The following DENND4B variants were observed in gnomAD, a reference collection of about 807,000 sequenced individuals.
DENND4B encodes the protein DENN domain containing 4B.
DENND4B carries 67 observed loss-of-function variants against 161.0 expected under a neutral mutation model. The observed-to-expected ratio is 0.42, with a 90% confidence interval of 0.34 to 0.51. DENND4B has a LOEUF of 0.51. Among genes scored for constraint, DENND4B ranks in the 20% least tolerant of loss-of-function variants. DENND4B has a pLI of 0.08. For missense variants in DENND4B, 1,481 were observed against 1,968.0 expected (o/e 0.75, Z 4.68); for synonymous variants, 753 against 813.8 (o/e 0.93, Z 1.27).
Position 153,940,990 on chromosome 1 carries a change from G to T in DENND4B, c.1240C>A (p.Leu414Met), listed in dbSNP as rs1426832753. 4.4e-6 allele frequency: 7 copies of T among 1,584,442 alleles called. No individual in the cohort carries two copies. Among genetic ancestry groups the T allele is most frequent in the Non-Finnish European group, 2.6e-6 (3 of 1,167,160 alleles). ...SLGPELAITL[L>M]LAVLTEHKLL... ...TTGTGCTCTGTGAGCACAGCCAGCA[G>T]CAGTGTGATAGCCAGCTCAGGGCCC... Residue 414 changes from leucine (L) to methionine (M), a missense_variant, in exon 9 of 28, where the codon CTG becomes ATG. Leu to Met is a conservative substitution (Grantham distance 15). Coordinates refer to ENST00000361217, the MANE Select transcript of DENND4B (RefSeq NM_014856.3). This position sits in a 1 kb window ranked among gnomAD's most constrained non-coding sequence, Gnocchi z 5.6.
In DENND4B at chr1:153,946,326, G is replaced by A; in HGVS notation, c.-49C>T. ...CTGTCCCGCGCTTCCCGGCCGGCCG[G>A]CCCGCTGGCGGGTGGCTCGGAGGGC... On this transcript the variant is annotated 5_prime_UTR_variant, in exon 1 of 28. Coordinates refer to ENST00000361217, the MANE Select transcript of DENND4B (RefSeq NM_014856.3). The surrounding 1 kb of genome is among the most constrained non-coding windows in gnomAD (Gnocchi z 6.3). 1 of 365,602 alleles carries A rather than the reference G, an allele frequency of 2.7e-6. No homozygotes were observed. Among genetic ancestry groups the A allele is most frequent in the South Asian group, 1.3e-4 (1 of 7,572 alleles). 22.6% of individuals were successfully genotyped at this position (365,602 alleles called of 1,614,324 possible). A position where few individuals can be genotyped will look rare whatever the true frequency, so the allele number is the denominator to read the frequency against.
In DENND4B at chr1:153,934,030, C is replaced by G. The variant is rs751551951; in HGVS notation, c.2941+105G>C. On this transcript the variant is annotated intron_variant, in intron 19 of 27. Coordinates refer to ENST00000361217, the MANE Select transcript of DENND4B (RefSeq NM_014856.3). This position sits in a 1 kb window ranked among gnomAD's most constrained non-coding sequence, Gnocchi z 5.3. ...ATTCCCTCAGAATCTACAGCACCCA[C>G]CACAGAGGGCCGCCCTCCACTCTGT... 3 of 1,462,704 alleles carry G rather than the reference C, an allele frequency of 2.1e-6. No homozygotes were observed. Among genetic ancestry groups the G allele is most frequent in the Non-Finnish European group, 2.7e-6 (3 of 1,103,816 alleles). 90.6% of individuals were successfully genotyped at this position (1,462,704 alleles called of 1,614,324 possible).
Position 153,936,730 on chromosome 1 carries a change from G to A in DENND4B, c.2251C>T (p.Arg751Trp), listed in dbSNP as rs551556926. The A allele has an allele frequency of 1.4e-5, 22 of 1,594,702 alleles. No individual in the cohort carries two copies. The highest frequency in any genetic ancestry group is 1.6e-5 in the Non-Finnish European group (19 of 1,167,800). Residue 751 changes from arginine (R) to tryptophan (W), a missense_variant, in exon 16 of 28, where the codon CGG becomes TGG. Physicochemically the swap from Arg to Trp is moderately radical, Grantham distance 101. Coordinates refer to ENST00000361217, the MANE Select transcript of DENND4B (RefSeq NM_014856.3). The surrounding 1 kb of genome is among the most constrained non-coding windows in gnomAD (Gnocchi z 4.1). ...ACAGCTGCTGACTTCTGTGCCATCC[G>A]CTGTGCAACTTTCATCTCCTAGGTA... Reference protein sequence around the residue: ...RTKQEMKVAQRMAQKSAAVPE... With the variant: ...RTKQEMKVAQWMAQKSAAVPE...
chr1:153,932,327 AG>A lies in DENND4B; in HGVS notation c.3872del (p.Pro1291LeufsTer48). The A allele has an allele frequency of 6.2e-7, 1 of 1,613,940 alleles. No homozygotes were observed. The highest frequency in any genetic ancestry group is 2.2e-5 in the East Asian group (1 of 44,864). On this transcript the variant is annotated frameshift_variant, in exon 24 of 28. Coordinates refer to ENST00000361217, the MANE Select transcript of DENND4B (RefSeq NM_014856.3). LOFTEE classifies it high-confidence loss of function. The surrounding 1 kb of genome is among the most constrained non-coding windows in gnomAD (Gnocchi z 5.8). ...TGATGGGGTGGGCAGAGGGCAGTTC[AG>A]GCAACGCCAGCACCTCACTGCCCTC... ...ENEGSEVLAL[P>X]ELPSAHPIIF... is the part of the protein sequence containing the mutation.
chr1:153,944,638 C>T lies in DENND4B; in HGVS notation c.-23-241G>A, dbSNP rs75045106. Among the ~76,000 whole-genome samples the T allele has an allele frequency of 0.05, 7,583 of 152,312 alleles. 343 individuals are homozygous for T. Among genetic ancestry groups the T allele is most frequent in the South Asian group, 0.17 (810 of 4,830 alleles). On this transcript the variant is annotated intron_variant, in intron 1 of 27. Coordinates refer to ENST00000361217, the MANE Select transcript of DENND4B (RefSeq NM_014856.3). This position sits in a 1 kb window ranked among gnomAD's most constrained non-coding sequence, Gnocchi z 4.8. Reference sequence around the variant, plus strand: ...CTCAAAGAACCTAAACTCCACCACACACAGCTAACCTGAGCTATGACATTC... The same window carrying T: ...CTCAAAGAACCTAAACTCCACCACATACAGCTAACCTGAGCTATGACATTC...
In DENND4B at chr1:153,944,165, A is replaced by T; in HGVS notation, c.210T>A (p.Ala70=). The T allele has an allele frequency of 6.2e-7, 1 of 1,613,112 alleles. No individual in the cohort carries two copies. The highest frequency in any genetic ancestry group is 8.5e-7 in the Non-Finnish European group (1 of 1,179,554). Residue 70 remains alanine, a synonymous_variant, in exon 2 of 28, where the codon GCT becomes GCA. Transcript: ENST00000361217. This position sits in a 1 kb window ranked among gnomAD's most constrained non-coding sequence, Gnocchi z 4.8. The part of the protein sequence containing the change: ...EVPQGYTCIQ[A]SAGGHPLELS... ...GTTCCAAGGGGTGGCCCCCAGCAGA[A>T]GCCTGGATGCATGTGTAGCCCTGGG...
rs564800327 is a variant in DENND4B, at chr1:153,941,442, TG to T, written c.1056-3del. 1.1e-4 allele frequency: 184 copies of T among 1,610,986 alleles called. No homozygotes were observed. In the African/African-American group the frequency reaches 1.9e-3, roughly 16 times the overall value. On this transcript the variant is annotated splice_region_variant and splice_polypyrimidine_tract_variant and intron_variant, in intron 6 of 27. Coordinates refer to ENST00000361217, the MANE Select transcript of DENND4B (RefSeq NM_014856.3). ...TTGTGAATGAAGTGGGAGATGTGCC[TG>T]GGGGACAGAGAAACAGGTCAGAGCA...
chr1:153,930,548 C>A lies in DENND4B; in HGVS notation c.4336G>T (p.Val1446Leu). The change falls in exon 27 of 28, where the codon GTG becomes TTG. Residue 1446 changes from valine (V) to leucine (L), a missense_variant. By Grantham distance (32) the Val-to-Leu change is conservative. Transcript: ENST00000361217. This position sits in a 1 kb window ranked among gnomAD's most constrained non-coding sequence, Gnocchi z 4.7. Reference protein sequence around the residue: ...LTMAALGKDHVDIVAFDKKYK... With the variant: ...LTMAALGKDHLDIVAFDKKYK... ...TTGCCTGCAATCTCACCTATGTCCACGTGGTCCTTGCCCAGAGCAGCCATT... is the reference window on the plus strand; with the variant it reads ...TTGCCTGCAATCTCACCTATGTCCAAGTGGTCCTTGCCCAGAGCAGCCATT... 6.2e-7 allele frequency: 1 copy of A among 1,614,058 alleles called. No individual in the cohort carries two copies. The highest frequency in any genetic ancestry group is 8.5e-7 in the Non-Finnish European group (1 of 1,179,904).
chr1:153,944,776 C>T lies in DENND4B; in HGVS notation c.-23-379G>A, dbSNP rs939812126. On this transcript the variant is annotated intron_variant, in intron 1 of 27. Transcript: ENST00000361217. The surrounding 1 kb of genome is among the most constrained non-coding windows in gnomAD (Gnocchi z 4.8). Reference sequence around the variant, plus strand: ...ATTCATGCTGGCCATGACATCATACCAACCTTACAGTCTTTTCAAGGGTTT... The same window carrying T: ...ATTCATGCTGGCCATGACATCATACTAACCTTACAGTCTTTTCAAGGGTTT... Among the ~76,000 whole-genome samples, 6 of 152,152 alleles carry T rather than the reference C, an allele frequency of 3.9e-5. No individual in the cohort carries two copies. Among genetic ancestry groups the T allele is most frequent in the Non-Finnish European group, 8.8e-5 (6 of 68,026 alleles).
chr1:153,931,633 G>A (rs1678940050), intron 24 of DENND4B, among the ~76,000 whole-genome samples: 1 of 151,834 alleles, frequency 6.6e-6, no homozygotes, highest in Non-Finnish European at 1.5e-5. Flanking sequence ...GAGTAGCTGG[G>A]ACTACAGGCG....
chr1:153,941,779 TC>T (rs1284590806), intron 6 of DENND4B, 89 bp downstream of exon 6: 39 of 464,726 alleles, frequency 8.4e-5, no homozygotes, highest in East Asian at 3.3e-4. Context: ...TGCCCAGCCC[TC>T]CCCCCACCCA....
chr1:153,942,649 AAGCAGATACATAGCT>A lies in DENND4B; in HGVS notation c.571-39_571-25del, dbSNP rs779293619. The A allele has an allele frequency of 5.1e-6, 8 of 1,572,200 alleles. No individual in the cohort carries two copies. The Admixed American group carries it at 1.5e-4, about 30-fold the overall frequency. On this transcript the variant is annotated intron_variant, in intron 3 of 27. Transcript: ENST00000361217. This position sits in a 1 kb window ranked among gnomAD's most constrained non-coding sequence, Gnocchi z 6.9. ...CACTACCCCAGAAATGGCAAGAGAC[AAGCAGATACATAGCT>A]AACAAAGGTTTCTGGGGTCCACTTT...
At chr1:153,935,992 G>A in intron 17 of DENND4B, 68 bp downstream of exon 17, 3 of 1,582,810 alleles carry the variant, frequency 1.9e-6, no homozygotes, top group Admixed American at 3.5e-5. Context: ...AGCGAGGGGA[G>A]CAGCAGCAGC....
At chr1:153,941,773 C>CGGGGG in intron 6 of DENND4B, 96 bp downstream of exon 6, 48 of 1,426,266 alleles carry the variant, frequency 3.4e-5, no homozygotes, top group East Asian at 4.9e-5. Flanking sequence ...ACCCTGTGCC[C>CGGGGG]AGCCCTCCCC....
At position 153,934,811 on chromosome 1, in the gene DENND4B, G is replaced by C. The variant is rs199597671; in HGVS notation, c.2722C>G (p.Gln908Glu). 3 of 776,868 alleles carry C rather than the reference G, an allele frequency of 3.9e-6. No individual in the cohort carries two copies. The highest frequency in any genetic ancestry group is 1.0e-4 in the Admixed American group (2 of 19,936). The allele number at this position is 776,868 out of a possible 1,614,324, so 48.1% of individuals were successfully genotyped here. The part of the protein sequence containing the change: ...QQQQQQQQQQ[Q>E]QQEQVSAHQE... Reference sequence around the variant, plus strand: ...TGTGCTGACACCTGCTCCTGCTGCTGCTGCTGCTGCTGCTGCTGTTGCTGC... The same window carrying C: ...TGTGCTGACACCTGCTCCTGCTGCTCCTGCTGCTGCTGCTGCTGTTGCTGC... Residue 908 changes from glutamine (Q) to glutamate (E), a missense_variant, in exon 18 of 28, where the codon CAG becomes GAG. Gln to Glu is a conservative substitution (Grantham distance 29). Coordinates refer to ENST00000361217, the MANE Select transcript of DENND4B (RefSeq NM_014856.3). The surrounding 1 kb of genome is among the most constrained non-coding windows in gnomAD (Gnocchi z 5.3).
rs796837987 is a variant in DENND4B, at chr1:153,934,802, C to G, written c.2731G>C (p.Glu911Gln). ...QQQQQQQQQQ[E>Q]QVSAHQEAGS... ...GCCTCTTGATGTGCTGACACCTGCTCCTGCTGCTGCTGCTGCTGCTGCTGC... is the reference window on the plus strand; with the variant it reads ...GCCTCTTGATGTGCTGACACCTGCTGCTGCTGCTGCTGCTGCTGCTGCTGC... The change falls in exon 18 of 28, where the codon GAG becomes CAG. Residue 911 changes from glutamate (E) to glutamine (Q), a missense_variant. Around this residue, in one of 3 missense-constraint regions of DENND4B, gnomAD observed 339 missense variants for 330.3 expected, o/e 1.03. Coordinates refer to ENST00000361217, the MANE Select transcript of DENND4B (RefSeq NM_014856.3). This position sits in a 1 kb window ranked among gnomAD's most constrained non-coding sequence, Gnocchi z 5.3. The G allele has an allele frequency of 1.3e-6, 2 of 1,499,782 alleles. No individual in the cohort carries two copies. The highest frequency in any genetic ancestry group is 1.4e-5 in the African/African-American group (1 of 71,390). The allele number at this position is 1,499,782 out of a possible 1,614,324, so 92.9% of individuals were successfully genotyped here.
Position 153,940,945 on chromosome 1 carries a change from G to T in DENND4B, c.1285C>A (p.Arg429=). The T allele has an allele frequency of 1.2e-6, 2 of 1,600,042 alleles. No individual in the cohort carries two copies. The highest frequency in any genetic ancestry group is 8.5e-7 in the Non-Finnish European group (1 of 1,174,726). ...CAGACGCTGGTGAGCAGGTCTGGCC[G>T]CAGCGAGTGGACTAGCAGCTTGTGC... ...TEHKLLVHSL[R]PDLLTSVCEA... is the part of the protein sequence containing the mutation. Residue 429 remains arginine, a synonymous_variant, in exon 9 of 28, where the codon CGG becomes AGG. Transcript: ENST00000361217. The surrounding 1 kb of genome is among the most constrained non-coding windows in gnomAD (Gnocchi z 5.6).
Position 153,939,031 on chromosome 1 carries a change from G to A in DENND4B, c.1834C>T (p.Arg612Trp), listed in dbSNP as rs773283599. Residue 612 changes from arginine to tryptophan, a missense_variant, in exon 13 of 28, where the codon CGG becomes TGG. Transcript: ENST00000361217. ...LFFLQGFLKSRERSSHKLYSQ... is the reference protein window; with the variant it reads ...LFFLQGFLKSWERSSHKLYSQ... The stretch of plus-strand genomic sequence containing the variant: ...TAAAGTTTGTGGCTGGAGCGTTCCC[G>A]GGATTTGAGGAAGCCTGAGGGGTAT... 6.8e-6 allele frequency: 11 copies of A among 1,611,922 alleles called. No individual in the cohort carries two copies. The highest frequency in any genetic ancestry group is 2.2e-5 in the South Asian group (2 of 90,462).
At position 153,941,086 on chromosome 1, in the gene DENND4B, A is replaced by G. The variant is rs764920438; in HGVS notation, c.1182-38T>C. On this transcript the variant is annotated intron_variant, in intron 8 of 27. Coordinates refer to ENST00000361217, the MANE Select transcript of DENND4B (RefSeq NM_014856.3). ...CCGAGGTGGGGAAAGGGTCACCAGG[A>G]TACCCTGGGGACCCTTCCCCAGATG... is the stretch of plus-strand genomic sequence containing the variant. 3.2e-6 allele frequency: 5 copies of G among 1,555,104 alleles called. No individual in the cohort carries two copies. The South Asian group carries it at 3.5e-5, about 11-fold the overall frequency.
Sources: allele counts gnomAD v4.1 joint callset (sites outside exome capture counted in the v4.1 genomes callset), GRCh38; gene constraint gnomAD v4.1.1; regional missense constraint gnomAD v4.1.1; non-coding constraint Gnocchi (gnomAD v3.1); transcripts MANE v1.5; gene names NCBI Gene and HGNC (gene_info 2026-07-23, HGNC 2026-07-21).